AFG1L: variants seen among roughly 807,000 people sequenced by gnomAD.
AFG1L encodes the protein AFG1 like ATPase.
Under a neutral mutation model 62.2 loss-of-function variants are expected in AFG1L, and 53 were observed. The ratio of observed to expected loss-of-function variants is 0.85; its 90% CI spans 0.68 to 1.07. The LOEUF (loss-of-function observed/expected upper bound fraction) is 1.07, where lower values mean the gene tolerates loss of function less well. AFG1L is among the 50% of genes least tolerant of loss of function. The pLI is 0.00. For missense variants in AFG1L, 555 were observed against 590.5 expected, an observed-to-expected ratio of 0.94 and a Z score of 0.62; for synonymous variants, 228 against 210.3, an observed-to-expected ratio of 1.08 and a Z score of -0.73.
At chr6:108,475,444 C>A (rs1312819673) in intron 8 of AFG1L, among the ~76,000 whole-genome samples, 1 of 151,838 alleles carries the variant, frequency 6.6e-6, no homozygotes, top group East Asian at 1.9e-4. Context: ...GGTGTTGGTT[C>A]CAAATGAATT....
intron 6 of AFG1L, among the ~76,000 whole-genome samples, chr6:108,370,224 T>C (rs982943960): frequency 2.0e-5 from 3 of 152,148 alleles, no homozygotes; most frequent in African/African-American, 4.8e-5. Flanking sequence ...CTGAAGCTTA[T>C]CTTAAGCAGG....
At chr6:108,500,300 G>A (rs976240930) in intron 10 of AFG1L, among the ~76,000 whole-genome samples, 2 of 151,384 alleles carry the variant, frequency 1.3e-5, no homozygotes, top group African/African-American at 4.9e-5. Context: ...GTGCCCAGCC[G>A]ATATATTTCA....
intron 6 of AFG1L, among the ~76,000 whole-genome samples, chr6:108,398,558 A>G (rs916747140): frequency 6.6e-5 from 10 of 152,156 alleles, no homozygotes; most frequent in East Asian, 3.8e-4. Flanking sequence ...AGTTTCCCCA[A>G]TGTTTTCTTA....
intron 11 of AFG1L, among the ~76,000 whole-genome samples, chr6:108,517,540 C>A: frequency 6.6e-6 from 1 of 152,098 alleles, no homozygotes; most frequent in East Asian, 1.9e-4. Flanking sequence ...GACCTAAAAC[C>A]ATAAAAACCT....
chr6:108,468,300 G>A (rs1330187602), intron 8 of AFG1L, among the ~76,000 whole-genome samples: 1 of 152,094 alleles, frequency 6.6e-6, no homozygotes, highest in Non-Finnish European at 1.5e-5. Context: ...TCCTAAAAAT[G>A]TATTTGTTTT....
chr6:108,298,720 T>C (rs1436603230), intron 1 of AFG1L, among the ~76,000 whole-genome samples: 1 of 152,176 alleles, frequency 6.6e-6, no homozygotes, highest in East Asian at 1.9e-4. Flanking sequence ...CTAAGCTCAG[T>C]GGGACACTAG....
intron 2 of AFG1L, among the ~76,000 whole-genome samples, chr6:108,339,458 ATT>A (rs538205129): frequency 1.4e-3 from 184 of 132,412 alleles, no homozygotes; most frequent in African/African-American, 4.1e-3. Context: ...AATTCTTTAA[ATT>A]TTTTTTTTTT....
chr6:108,372,417 C>A (rs1780052427), intron 6 of AFG1L, among the ~76,000 whole-genome samples: 1 of 150,896 alleles, frequency 6.6e-6, no homozygotes, highest in Admixed American at 6.6e-5. Flanking sequence ...GCAACCTCCG[C>A]CTCCTGGGTT....
intron 1 of AFG1L, among the ~76,000 whole-genome samples, chr6:108,310,810 G>T (rs1255066606): frequency 6.6e-6 from 1 of 152,090 alleles, no homozygotes; most frequent in Non-Finnish European, 1.5e-5. Context: ...CCTCGGCTCT[G>T]AAGCAATCCT....
At chr6:108,425,947 C>T (rs1770793651) in intron 7 of AFG1L, among the ~76,000 whole-genome samples, 1 of 152,082 alleles carries the variant, frequency 6.6e-6, no homozygotes, top group South Asian at 2.1e-4. Context: ...CTAAATTTGT[C>T]TCTTTTCATC....
chr6:108,461,506 T>C (rs1251275512), intron 8 of AFG1L, among the ~76,000 whole-genome samples: 1 of 152,200 alleles, frequency 6.6e-6, no homozygotes, highest in Non-Finnish European at 1.5e-5. Context: ...TAGCCCAGGC[T>C]GGAGTGCAGT....
chr6:108,323,696 A>G (rs1777910853), intron 1 of AFG1L, 129 bp from the exon 2 acceptor site: 1 of 627,820 alleles, frequency 1.6e-6, no homozygotes, highest in Non-Finnish European at 2.8e-6. Context: ...TCAAAATGAC[A>G]TTTACAAAAA....
chr6:108,408,140 TC>T lies in AFG1L; in HGVS notation c.807+6089del, dbSNP rs1224826356. ...CTTTTTGAGGCTTTTTTTTTTTTTT[TC>T]CCTGTGCAGGCGTCTCACTCTGTTG... On this transcript the variant is annotated intron_variant, in intron 7 of 12. Coordinates refer to ENST00000368977, the MANE Select transcript of AFG1L (RefSeq NM_145315.5). Among the ~76,000 whole-genome samples, 23 of 151,716 alleles carry T rather than the reference TC, an allele frequency of 1.5e-4. 1 individual carries two copies. Among genetic ancestry groups the T allele is most frequent in the African/African-American group, 5.3e-4 (22 of 41,426 alleles).
At chr6:108,344,751 T>C (rs1175422172) in intron 2 of AFG1L, 1 of 471,196 alleles carries the variant, frequency 2.1e-6, no homozygotes, top group Admixed American at 2.3e-5. Flanking sequence ...CACTCCACCC[T>C]GTCATACCTT....
At chr6:108,336,520 G>T (rs1778482544) in intron 2 of AFG1L, among the ~76,000 whole-genome samples, 1 of 152,054 alleles carries the variant, frequency 6.6e-6, no homozygotes, top group Non-Finnish European at 1.5e-5. Context: ...GGGAACAAAG[G>T]ATAATATTAA....
At chr6:108,397,423 A>T (rs1235297477) in intron 6 of AFG1L, among the ~76,000 whole-genome samples, 1 of 150,746 alleles carries the variant, frequency 6.6e-6, no homozygotes, top group African/African-American at 2.4e-5. Flanking sequence ...GCCCTGGCTG[A>T]TTTTTGTATT....
rs533673486 is a variant in AFG1L at position 108,476,765 on chromosome 6, CT to C, written c.891-91del. The C allele has an allele frequency of 1.2e-3, 899 of 743,728 alleles. 7 individuals are homozygous for C. Among genetic ancestry groups the C allele is most frequent in the South Asian group, 9.7e-3 (582 of 59,970 alleles). 46.1% of individuals were successfully genotyped at this position (743,728 alleles called of 1,614,324 possible). A position where few individuals can be genotyped will look rare whatever the true frequency, so the allele number is the denominator to read the frequency against. ...TGTATTTAGAGCATAACATCCTGTT[CT>C]TTTTTTTTATGGGCAAAAAGCTAAG... On this transcript the variant is annotated intron_variant, in intron 8 of 12. Coordinates refer to ENST00000368977, the MANE Select transcript of AFG1L (RefSeq NM_145315.5).
intron 11 of AFG1L, among the ~76,000 whole-genome samples, chr6:108,512,782 C>A (rs965809137): frequency 7.2e-5 from 11 of 151,994 alleles, no homozygotes; most frequent in Admixed American, 7.2e-4. Context: ...CCTAACATTC[C>A]CTTTAACTAA....
chr6:108,480,598 G>A (rs1773288984), intron 10 of AFG1L, among the ~76,000 whole-genome samples: 1 of 152,104 alleles, frequency 6.6e-6, no homozygotes, highest in African/African-American at 2.4e-5. Context: ...AGGAGTTCAA[G>A]ACCAGCCTGG....
Sources: allele counts gnomAD v4.1 joint callset (sites outside exome capture counted in the v4.1 genomes callset), GRCh38; gene constraint gnomAD v4.1.1; transcripts MANE v1.5; gene names NCBI Gene and HGNC (gene_info 2026-07-23, HGNC 2026-07-21).